NAE1: variants seen among roughly 807,000 people sequenced by gnomAD.
NAE1 encodes the protein NEDD8 activating enzyme E1 subunit 1.
Under a neutral mutation model 88.0 loss-of-function variants are expected in NAE1, and 59 were observed. That is an observed-to-expected ratio of 0.67 (90% CI 0.54 to 0.83). The LOEUF is 0.83. NAE1 is among the 40% of genes least tolerant of loss of function. The probability of loss-of-function intolerance (pLI) is 0.00; values close to 1 mark genes in which losing one functional copy is unlikely to be tolerated. For synonymous variants in NAE1, 186 were observed against 208.9 expected (o/e 0.89, Z 0.95); for missense variants, 554 against 632.8 (o/e 0.88, Z 1.34).
intron 17 of NAE1, among the ~76,000 whole-genome samples, chr16:66,806,344 T>C (rs1045729394): frequency 2.0e-5 from 3 of 152,234 alleles, no homozygotes; most frequent in East Asian, 1.9e-4. Context: ...GTCCTACTTA[T>C]ACCCTTTATA....
rs779096909 is a variant in NAE1, at chr16:66,816,991, T to C, written c.722A>G (p.Glu241Gly). 6.2e-7 allele frequency: 1 copy of C among 1,601,168 alleles called. No homozygotes were observed. Among genetic ancestry groups the C allele is most frequent in the Non-Finnish European group, 8.5e-7 (1 of 1,176,700 alleles). ...GRIPKTYKEKEDFRDLIRQGI... is the reference protein window; with the variant it reads ...GRIPKTYKEKGDFRDLIRQGI... ...TTGTCTAATCAAATCTCTGAAGTCC[T>C]CTTTTTCTTTATACGTTTTAGGTAT... The change falls in exon 10 of 20, where the codon GAG becomes GGG. Residue 241 changes from glutamate to glycine, a missense_variant. By Grantham distance (98) the Glu-to-Gly change is moderately conservative. Transcript: ENST00000290810.
Position 66,820,195 on chromosome 16 carries a change from T to C in NAE1, c.511+1255A>G, listed in dbSNP as rs1278577129. On this transcript the variant is annotated intron_variant, in intron 7 of 19. Transcript: ENST00000290810. ...ACCAATGCCAATGGCTATCACCACATTAGCAGAGTGCTTGGCTCATAGTAA... is the reference window on the plus strand; with the variant it reads ...ACCAATGCCAATGGCTATCACCACACTAGCAGAGTGCTTGGCTCATAGTAA... Among the ~76,000 whole-genome samples, 6 of 152,344 alleles carry C rather than the reference T, an allele frequency of 3.9e-5. No individual in the cohort carries two copies. In the South Asian group the frequency reaches 1.2e-3, roughly 32 times the overall value.
At chr16:66,825,055 G>A (rs1031191433) in intron 3 of NAE1, among the ~76,000 whole-genome samples, 170 bp from the exon 4 acceptor site, 4 of 152,230 alleles carry the variant, frequency 2.6e-5, no homozygotes, top group Non-Finnish European at 5.9e-5. Context: ...TATAAAGAAA[G>A]ATAGGCTAAT....
intron 6 of NAE1, among the ~76,000 whole-genome samples, chr16:66,822,674 AT>A (rs1347628564): frequency 1.3e-3 from 177 of 137,574 alleles, no homozygotes; most frequent in African/African-American, 3.5e-3. Context: ...TTATTTATTT[AT>A]TTTTTTTTTT....
rs549625825 is a variant in NAE1 at position 66,806,095 on chromosome 16, A to G, written c.1331-69T>C. 82 of 1,465,146 alleles carry G rather than the reference A, an allele frequency of 5.6e-5. No individual in the cohort carries two copies. The African/African-American group carries it at 1.1e-3, about 19-fold the overall frequency. 90.8% of individuals were successfully genotyped at this position (1,465,146 alleles called of 1,614,324 possible). A position where few individuals can be genotyped will look rare whatever the true frequency, so the allele number is the denominator to read the frequency against. ...AATTAATGGCCAACTCCTTTATTTA[A>G]TCTAGTTTCAGATGTTCTAGTCAAA... is the stretch of plus-strand genomic sequence containing the variant. On this transcript the variant is annotated intron_variant, in intron 17 of 19. Coordinates refer to ENST00000290810, the MANE Select transcript of NAE1 (RefSeq NM_003905.4).
chr16:66,824,639 A>ATTTAGC (rs1218315000), intron 4 of NAE1: 1 of 383,912 alleles, frequency 2.6e-6, no homozygotes, highest in East Asian at 4.4e-5. Flanking sequence ...ATTACTCAAG[A>ATTTAGC]TTTAGCTTTA....
At chr16:66,814,618 C>T (rs1333763163) in intron 11 of NAE1, among the ~76,000 whole-genome samples, 1 of 149,740 alleles carries the variant, frequency 6.7e-6, no homozygotes, top group African/African-American at 2.5e-5. Flanking sequence ...AATACACACA[C>T]ACACACACAC....
chr16:66,824,797 T>A, intron 4 of NAE1, 58 bp downstream of exon 4: 2 of 1,467,986 alleles, frequency 1.4e-6, no homozygotes, highest in Non-Finnish European at 1.9e-6. Context: ...TTTCAAGCAA[T>A]CAAAACACAG....
intron 17 of NAE1, among the ~76,000 whole-genome samples, chr16:66,807,111 C>T (rs1959596451): frequency 6.6e-6 from 1 of 152,160 alleles, no homozygotes; most frequent in South Asian, 2.1e-4. Context: ...TCAGTCAAGC[C>T]TTCAGAATGA....
chr16:66,830,819 G>A, intron 1 of NAE1, 28 bp downstream of exon 1: 7 of 1,509,882 alleles, frequency 4.6e-6, no homozygotes, highest in Non-Finnish European at 6.2e-6. Flanking sequence ...CCGCCGGCCC[G>A]CCCTCGGCTC....
intron 9 of NAE1, 105 bp downstream of exon 9, chr16:66,817,320 C>T: frequency 1.0e-6 from 1 of 998,610 alleles, no homozygotes; most frequent in Non-Finnish European, 1.5e-6. Context: ...TACCATACAA[C>T]TCCATAAGGA....
chr16:66,814,213 T>C (rs1402589072), intron 11 of NAE1, among the ~76,000 whole-genome samples: 3 of 152,130 alleles, frequency 2.0e-5, no homozygotes, highest in African/African-American at 7.2e-5. Flanking sequence ...CCTTGCACCC[T>C]AATTAGTGAC....
intron 19 of NAE1, among the ~76,000 whole-genome samples, chr16:66,804,801 T>C (rs968634608): frequency 7.8e-5 from 10 of 127,552 alleles, no homozygotes; most frequent in Non-Finnish European, 1.3e-4. Flanking sequence ...CCCCAGAGAC[T>C]TCTCTTGCCA....
chr16:66,810,367 G>T lies in NAE1; in HGVS notation c.1150+7C>A. 2 of 1,584,746 alleles carry T rather than the reference G, an allele frequency of 1.3e-6. No individual in the cohort carries two copies. Among genetic ancestry groups the T allele is most frequent in the South Asian group, 2.2e-5 (2 of 90,206 alleles). On this transcript the variant is annotated splice_region_variant and intron_variant, in intron 15 of 19. Coordinates refer to ENST00000290810, the MANE Select transcript of NAE1 (RefSeq NM_003905.4). ...CAAAATAAGGAAATTAATTCAAGGG[G>T]ACTTACAGAGTAATTTTAATTCTTT... is the stretch of plus-strand genomic sequence containing the variant.
At chr16:66,821,624 T>C in intron 6 of NAE1, 65 bp from the exon 7 acceptor site, 1 of 1,335,668 alleles carries the variant, frequency 7.5e-7, no homozygotes, top group African/African-American at 1.5e-5. Flanking sequence ...CATGAAAACA[T>C]GCAAAACATG....
intron 11 of NAE1, among the ~76,000 whole-genome samples, chr16:66,815,146 C>T (rs1959991641): frequency 6.6e-6 from 1 of 152,216 alleles, no homozygotes; most frequent in African/African-American, 2.4e-5. Flanking sequence ...ATTTTGTTCA[C>T]AGCACCTGGT....
intron 15 of NAE1, 134 bp from the exon 16 acceptor site, chr16:66,809,209 T>C: frequency 1.7e-6 from 1 of 590,612 alleles, no homozygotes; most frequent in Non-Finnish European, 2.9e-6. Flanking sequence ...GTTTTCTCCT[T>C]GGTTCTAATA....
chr16:66,809,900 T>C (rs1959717827), intron 15 of NAE1, among the ~76,000 whole-genome samples: 1 of 152,192 alleles, frequency 6.6e-6, no homozygotes, highest in South Asian at 2.1e-4. Context: ...TTTGGCCTAC[T>C]GAGGAGTTAC....
intron 17 of NAE1, among the ~76,000 whole-genome samples, chr16:66,806,430 T>C (rs993504892): frequency 6.6e-6 from 1 of 150,510 alleles, no homozygotes; most frequent in African/African-American, 2.4e-5. Flanking sequence ...ATAGGTAACT[T>C]TTTTTTTTTC....
Sources: allele counts gnomAD v4.1 joint callset (sites outside exome capture counted in the v4.1 genomes callset), GRCh38; gene constraint gnomAD v4.1.1; transcripts MANE v1.5; gene names NCBI Gene and HGNC (gene_info 2026-07-23, HGNC 2026-07-21).